RGL1: variants seen among roughly 807,000 people sequenced by gnomAD.
RGL1 encodes the protein ral guanine nucleotide dissociation stimulator-like 1.
RGL1 carries 24 observed loss-of-function variants against 95.2 expected under a neutral mutation model. The observed-to-expected ratio is 0.25, with a 90% CI of 0.18 to 0.35. The LOEUF (loss-of-function observed/expected upper bound fraction) is 0.35. RGL1 is among the 10% of genes least tolerant of loss of function. The pLI is 1.00. For missense variants in RGL1, 715 were observed against 936.3 expected (o/e 0.76, Z 3.08); for synonymous variants, 329 against 344.9 (o/e 0.95, Z 0.51).
upstream of RGL1, among the ~76,000 whole-genome samples, chr1:183,803,156 C>A (rs1235823918): frequency 6.6e-6 from 1 of 152,138 alleles, no homozygotes; most frequent in Non-Finnish European, 1.5e-5. Context: ...CTTGGAAAAC[C>A]TCTCTGAAAT....
At chr1:183,859,476 T>C (rs1162324623) in intron 3 of RGL1, among the ~76,000 whole-genome samples, 2 of 152,212 alleles carry the variant, frequency 1.3e-5, no homozygotes, top group Non-Finnish European at 1.5e-5. Flanking sequence ...GAAAATGTTA[T>C]AGCATTTTGT....
chr1:183,816,085 T>C (rs1030951407), intron 2 of RGL1, among the ~76,000 whole-genome samples: 12 of 152,318 alleles, frequency 7.9e-5, no homozygotes, highest in South Asian at 2.1e-4. Context: ...AAATAACATC[T>C]ATTGTATTTT....
chr1:183,658,891 C>T (rs546355742), intron 1 of RGL1, among the ~76,000 whole-genome samples: 5 of 151,444 alleles, frequency 3.3e-5, no homozygotes, highest in South Asian at 2.1e-4. Flanking sequence ...GCAGCATTCA[C>T]GGTTCACGAA....
At chr1:183,884,462 T>TG (rs1268397498) in intron 6 of RGL1, among the ~76,000 whole-genome samples, 1 of 152,204 alleles carries the variant, frequency 6.6e-6, no homozygotes, top group Non-Finnish European at 1.5e-5. Flanking sequence ...GGAGTTATCG[T>TG]GGTGGCTTTA....
chr1:183,659,726 G>A (rs1255090235), intron 1 of RGL1, among the ~76,000 whole-genome samples: 1,768 of 151,110 alleles, frequency 0.012, 34 homozygotes, highest in African/African-American at 0.042. Flanking sequence ...GATACTCCTC[G>A]AGAAGAGCAA....
At chr1:183,703,386 T>C (rs955296769) in intron 1 of RGL1, among the ~76,000 whole-genome samples, 1 of 152,162 alleles carries the variant, frequency 6.6e-6, no homozygotes, top group African/African-American at 2.4e-5. Context: ...AAGACTTTTA[T>C]TAGCTTTTAT....
chr1:183,648,979 A>G (rs1200411783), intron 1 of RGL1, among the ~76,000 whole-genome samples: 1 of 152,242 alleles, frequency 6.6e-6, no homozygotes, highest in African/African-American at 2.4e-5. Flanking sequence ...AGACTCCTAG[A>G]GCATGGGGAG....
intron 1 of RGL1, among the ~76,000 whole-genome samples, chr1:183,691,382 T>C (rs1653937023): frequency 6.6e-6 from 1 of 152,188 alleles, no homozygotes; most frequent in Admixed American, 6.5e-5. Flanking sequence ...TCACATGCCC[T>C]GAAGTGATAG....
At chr1:183,640,029 A>G (rs922494519) in intron 1 of RGL1, among the ~76,000 whole-genome samples, 1 of 151,968 alleles carries the variant, frequency 6.6e-6, no homozygotes, top group Non-Finnish European at 1.5e-5. Flanking sequence ...TTTAGTAGAG[A>G]CGGGGTTTCA....
intron 2 of RGL1, among the ~76,000 whole-genome samples, chr1:183,796,417 C>T (rs1197128316): frequency 6.6e-6 from 1 of 152,206 alleles, no homozygotes; most frequent in Non-Finnish European, 1.5e-5. Context: ...CTGCCTCCGC[C>T]TCCCAAAGTG....
chr1:183,678,604 AT>A (rs36060724), intron 1 of RGL1, among the ~76,000 whole-genome samples: 12,110 of 147,522 alleles, frequency 0.082, 888 homozygotes, highest in African/African-American at 0.2. Flanking sequence ...TGACACCAAG[AT>A]TTTTTTTTTT....
chr1:183,852,565 G>C (rs1474738856), intron 3 of RGL1, among the ~76,000 whole-genome samples: 2 of 152,154 alleles, frequency 1.3e-5, no homozygotes, highest in Non-Finnish European at 2.9e-5. Flanking sequence ...TTTAATCCCA[G>C]CACTTTGGGA....
chr1:183,672,707 C>T (rs542385786), intron 1 of RGL1, among the ~76,000 whole-genome samples: 1 of 152,280 alleles, frequency 6.6e-6, no homozygotes, highest in South Asian at 2.1e-4. Flanking sequence ...TAGACTATAA[C>T]AAACAATTCT....
intron 2 of RGL1, among the ~76,000 whole-genome samples, chr1:183,820,739 G>A (rs1662422968): frequency 6.6e-6 from 1 of 152,184 alleles, no homozygotes; most frequent in African/African-American, 2.4e-5. Flanking sequence ...AAAAAATAAT[G>A]TAAAATATCT....
rs186465452 is a variant in RGL1 at position 183,898,907 on chromosome 1, T to G, written c.1230+1010T>G. On this transcript the variant is annotated intron_variant, in intron 10 of 17. Transcript: ENST00000360851. ...GCTTTACCCTGTTTGAGGCTTTGTG[T>G]TCTGCCAAAATTTCCAGAATTGGCT... 3.9e-5 allele frequency among the ~76,000 whole-genome samples: 6 copies of G among 152,288 alleles called. No individual in the cohort carries two copies. The East Asian group carries it at 1.2e-3, about 29-fold the overall frequency.
intron 3 of RGL1, among the ~76,000 whole-genome samples, chr1:183,853,105 G>T (rs749935576): frequency 2.0e-5 from 3 of 152,172 alleles, no homozygotes; most frequent in African/African-American, 2.4e-5. Context: ...GGAGGCCGAG[G>T]TGGGCGGTTC....
Position 183,902,446 on chromosome 1 carries a change from A to G in RGL1, c.1318-122A>G, listed in dbSNP as rs1668083374. 2.4e-5 allele frequency: 16 copies of G among 669,146 alleles called. No homozygotes were observed. In the South Asian group the frequency reaches 5.1e-4, roughly 21 times the overall value. The allele number at this position is 669,146 out of a possible 1,614,324, so 41.5% of individuals were successfully genotyped here. On this transcript the variant is annotated intron_variant, in intron 11 of 17. Transcript: ENST00000360851. ...CTTCTTCCACAGTAGTCGTAATTAT[A>G]GGATCATTGATAATTGTGACTTTAT... is the stretch of plus-strand genomic sequence containing the variant.
At chr1:183,895,960 G>A (rs1242094811) in intron 9 of RGL1, among the ~76,000 whole-genome samples, 4 of 152,128 alleles carry the variant, frequency 2.6e-5, no homozygotes, top group Non-Finnish European at 5.9e-5. Context: ...TTTCACCTCT[G>A]TTATTCTGTG....
chr1:183,674,926 G>C (rs1652715800), intron 1 of RGL1, among the ~76,000 whole-genome samples: 1 of 152,090 alleles, frequency 6.6e-6, no homozygotes, highest in Admixed American at 6.5e-5. Context: ...ATCTTCAAAA[G>C]TAATTAGGCG....
Sources: gnomAD v4.1 joint callset for allele counts (sites outside exome capture counted in the v4.1 genomes callset) on GRCh38, gnomAD v4.1.1 for gene constraint, MANE v1.5 for transcripts, NCBI Gene and HGNC (gene_info 2026-07-23, HGNC 2026-07-21) for gene names.